Variants in PPP4R1 observed in about 807,000 individuals in gnomAD.
The protein encoded by PPP4R1 is serine/threonine-protein phosphatase 4 regulatory subunit 1.
A neutral mutation model predicts 111.2 loss-of-function variants in PPP4R1; 42 were observed. The observed-to-expected ratio is 0.38, with a 90% CI of 0.29 to 0.49. The LOEUF (loss-of-function observed/expected upper bound fraction) is 0.49. PPP4R1 is among the 20% of genes least tolerant of loss of function. PPP4R1 has a pLI of 0.97. For synonymous variants in PPP4R1, 409 were observed against 405.5 expected (o/e 1.01, Z -0.10); for missense variants, 1,012 against 1,161.6 (o/e 0.87, Z 1.87).
At chr18:9,572,610 T>C (rs971940333) in intron 10 of PPP4R1, among the ~76,000 whole-genome samples, 12 of 152,214 alleles carry the variant, frequency 7.9e-5, no homozygotes, top group Non-Finnish European at 5.9e-5. Flanking sequence ...AAAAGATGTT[T>C]AACAGGAGAC....
chr18:9,563,068 G>C, intron 12 of PPP4R1: 2 of 1,052,580 alleles, frequency 1.9e-6, no homozygotes, highest in East Asian at 1.7e-4. Context: ...AAAGGGAAGA[G>C]TTAATTATTC....
At chr18:9,552,536 CAGAG>C (rs935539068) in intron 16 of PPP4R1, among the ~76,000 whole-genome samples, 2 of 152,210 alleles carry the variant, frequency 1.3e-5, no homozygotes, top group South Asian at 4.2e-4. Context: ...AGTGAGGAGA[CAGAG>C]AAACTGGAAC....
At chr18:9,609,408 T>A (rs1438114761) in intron 2 of PPP4R1, among the ~76,000 whole-genome samples, 1 of 152,156 alleles carries the variant, frequency 6.6e-6, no homozygotes, top group Non-Finnish European at 1.5e-5. Context: ...TCTAAGCTTA[T>A]CAGAACTGGT....
At chr18:9,606,818 G>A (rs2067489378) in intron 2 of PPP4R1, among the ~76,000 whole-genome samples, 2 of 152,088 alleles carry the variant, frequency 1.3e-5, no homozygotes, top group South Asian at 4.1e-4. Context: ...GTATAACAAA[G>A]CACTTGCTCT....
At chr18:9,552,782 G>A (rs1015804010) in intron 16 of PPP4R1, among the ~76,000 whole-genome samples, 5 of 152,264 alleles carry the variant, frequency 3.3e-5, no homozygotes, top group Admixed American at 3.3e-4. Context: ...TGCCCTAAAC[G>A]AATGTGGTAT....
At chr18:9,605,610 G>C (rs1389211799) in intron 2 of PPP4R1, among the ~76,000 whole-genome samples, 2 of 120,768 alleles carry the variant, frequency 1.7e-5, no homozygotes, top group East Asian at 4.5e-4. Flanking sequence ...AGAATAACCT[G>C]AATCAAATCA....
chr18:9,574,137 G>T (rs1302322444), intron 10 of PPP4R1, among the ~76,000 whole-genome samples: 2 of 151,936 alleles, frequency 1.3e-5, no homozygotes, highest in African/African-American at 2.4e-5. Flanking sequence ...TGAAAATTGA[G>T]GCCCTTTGTG....
At chr18:9,611,985 C>A (rs2067588660) in intron 2 of PPP4R1, among the ~76,000 whole-genome samples, 1 of 151,504 alleles carries the variant, frequency 6.6e-6, no homozygotes, top group Admixed American at 6.6e-5. Context: ...TGCACTCCAG[C>A]CTGGGCAACA....
intron 19 of PPP4R1, among the ~76,000 whole-genome samples, chr18:9,548,340 T>C (rs2066432091): frequency 6.6e-6 from 1 of 151,818 alleles, no homozygotes; most frequent in South Asian, 2.1e-4. Context: ...TGACATCTAC[T>C]ACAAACTTCT....
intron 11 of PPP4R1, among the ~76,000 whole-genome samples, chr18:9,568,909 C>A (rs1391350300): frequency 6.6e-6 from 1 of 152,088 alleles, no homozygotes; most frequent in Admixed American, 6.6e-5. Flanking sequence ...GTGGCGCACG[C>A]CTGTAGTCCC....
Position 9,584,496 on chromosome 18 carries a change from T to C in PPP4R1, c.759+19A>G, listed in dbSNP as rs1439485405. The C allele has an allele frequency of 1.2e-6, 2 of 1,605,274 alleles. No homozygotes were observed. Among genetic ancestry groups the C allele is most frequent in the Non-Finnish European group, 1.7e-6 (2 of 1,176,364 alleles). On this transcript the variant is annotated intron_variant, in intron 8 of 19. Transcript: ENST00000400556. ...TTTGTAACACACACTGTTTACTCCTTTATATCTGCAATACTTACCAACATT... is the reference window on the plus strand; with the variant it reads ...TTTGTAACACACACTGTTTACTCCTCTATATCTGCAATACTTACCAACATT...
At chr18:9,556,813 G>A (rs996892635) in intron 15 of PPP4R1, among the ~76,000 whole-genome samples, 1 of 152,138 alleles carries the variant, frequency 6.6e-6, no homozygotes, top group African/African-American at 2.4e-5. Context: ...TGAAAATACA[G>A]TATTCCCGGA....
chr18:9,585,431 A>G (rs1430331090), intron 6 of PPP4R1, among the ~76,000 whole-genome samples: 1 of 152,208 alleles, frequency 6.6e-6, no homozygotes. Flanking sequence ...CAAAGTGAGG[A>G]TTAACTTTAT....
intron 2 of PPP4R1, among the ~76,000 whole-genome samples, chr18:9,611,303 T>C (rs999855242): frequency 9.9e-5 from 15 of 152,248 alleles, no homozygotes; most frequent in South Asian, 8.3e-4. Context: ...AGTTTTACCA[T>C]AGACAGAGAA....
chr18:9,560,939 T>C (rs2066663697), intron 13 of PPP4R1, among the ~76,000 whole-genome samples: 1 of 151,924 alleles, frequency 6.6e-6, no homozygotes, highest in Non-Finnish European at 1.5e-5. Flanking sequence ...ATCCTAAGGC[T>C]GGGCACGGTA....
At chr18:9,585,566 A>T (rs2145201122) in intron 6 of PPP4R1, among the ~76,000 whole-genome samples, 1 of 152,362 alleles carries the variant, frequency 6.6e-6, no homozygotes, top group East Asian at 1.9e-4. Flanking sequence ...AAAATAAAGA[A>T]GTAAAAGAGA....
intron 4 of PPP4R1, chr18:9,590,007 A>AAC (rs1256490978): frequency 6.6e-6 from 1 of 152,232 alleles, no homozygotes; most frequent in Non-Finnish European, 1.5e-5. Flanking sequence ...TTAGGAAGTG[A>AAC]ACACACTGTT....
chr18:9,577,247 C>A, intron 9 of PPP4R1, 56 bp from the exon 10 acceptor site: 4 of 1,484,880 alleles, frequency 2.7e-6, no homozygotes, highest in Non-Finnish European at 3.7e-6. Flanking sequence ...GAATTATATA[C>A]GCACACATTA....
In PPP4R1 at chr18:9,557,372, C is replaced by G; in HGVS notation, c.2039G>C (p.Arg680Pro). 1 of 1,600,404 alleles carries G rather than the reference C, an allele frequency of 6.2e-7. No homozygotes were observed. Among genetic ancestry groups the G allele is most frequent in the Non-Finnish European group, 8.5e-7 (1 of 1,176,430 alleles). Residue 680 changes from arginine (R) to proline (P), a missense_variant, in exon 15 of 20, where the codon CGA becomes CCA. Arg to Pro is a moderately radical substitution (Grantham distance 103). Transcript: ENST00000400556. ...GTGGATGGAGAATGCTAGAGTTCGT[C>G]GAACTTTCCACTGCAGAAATGAAAA... Reference protein sequence around the residue: ...TLASDMQWKVRRTLAFSIHEL... With the variant: ...TLASDMQWKVPRTLAFSIHEL...
Sources: allele counts gnomAD v4.1 joint callset (sites outside exome capture counted in the v4.1 genomes callset), GRCh38; gene constraint gnomAD v4.1.1; transcripts MANE v1.5; gene names NCBI Gene and HGNC (gene_info 2026-07-23, HGNC 2026-07-21).